DSC1: variants seen among roughly 807,000 people sequenced by gnomAD.
DSC1 encodes the protein desmocollin-1.
A neutral mutation model predicts 98.8 loss-of-function variants in DSC1; 79 were observed. The observed-to-expected ratio is 0.80, with a 90% CI of 0.67 to 0.96. The LOEUF is 0.96. DSC1 is among the 50% of genes least tolerant of loss of function. The probability of loss-of-function intolerance (pLI) is 0.00; values close to 1 mark genes in which losing one functional copy is unlikely to be tolerated. For missense variants in DSC1, 1,115 were observed against 1,075.9 expected (o/e 1.04, Z -0.51); for synonymous variants, 405 against 372.1 (o/e 1.09, Z -1.02).
chr18:31,158,797 T>C (rs1186241209), intron 2 of DSC1, among the ~76,000 whole-genome samples: 3 of 152,162 alleles, frequency 2.0e-5, no homozygotes, highest in African/African-American at 4.8e-5. Context: ...GTCTAATCAA[T>C]TGAAGAATCT....
At chr18:31,138,468 T>C (rs543272722) in intron 11 of DSC1, among the ~76,000 whole-genome samples, 22 of 152,214 alleles carry the variant, frequency 1.4e-4, no homozygotes, top group African/African-American at 4.8e-4. Flanking sequence ...CTTAACATTC[T>C]TAATTTCCAT....
In DSC1 at chr18:31,153,207, A is replaced by T. The variant is rs565631427; in HGVS notation, c.627+1567T>A. 4.6e-5 allele frequency among the ~76,000 whole-genome samples: 7 copies of T among 152,220 alleles called. No homozygotes were observed. In the South Asian group the frequency reaches 1.4e-3, roughly 32 times the overall value. ...TTGGCAAACAGAACCCTATCAAACAATTCCTCAGCAAAATTGAAAATGAAG... is the reference window on the plus strand; with the variant it reads ...TTGGCAAACAGAACCCTATCAAACATTTCCTCAGCAAAATTGAAAATGAAG... On this transcript the variant is annotated intron_variant, in intron 5 of 15. Transcript: ENST00000257198.
rs754100664 is a variant in DSC1 at position 31,130,562 on chromosome 18, G to T, written c.2637C>A (p.His879Gln). 2 of 1,614,058 alleles carry T rather than the reference G, an allele frequency of 1.2e-6. No homozygotes were observed. The highest frequency in any genetic ancestry group is 2.2e-5 in the South Asian group (2 of 91,080). The change falls in exon 16 of 16, where the codon CAC becomes CAA. Residue 879 changes from histidine (H) to glutamine (Q), a missense_variant. Coordinates refer to ENST00000257198, the MANE Select transcript of DSC1 (RefSeq NM_024421.2). ...QEEEGLEFLD[H>Q]LEPKFRTLAK... ...CTAATGTCCTAAATTTGGGTTCCAG[G>T]TGATCTAGAAACTCCAGTCCCTCTT...
At chr18:31,146,930 T>G (rs568644130) in intron 6 of DSC1, among the ~76,000 whole-genome samples, 1 of 152,338 alleles carries the variant, frequency 6.6e-6, no homozygotes, top group Non-Finnish European at 1.5e-5. Flanking sequence ...TATGTATCAT[T>G]TAGACAAGCT....
rs902441424 is a variant in DSC1, at chr18:31,134,082, T to A, written c.1925A>T (p.Tyr642Phe). ...RQRQNLDYNY[Y>F]SVPIQIKDRH... ...GTCTTTTATTTGAATAGGCACAGAATAATAGTTATAATCAAGATTTTGCCG... is the reference window on the plus strand; with the variant it reads ...GTCTTTTATTTGAATAGGCACAGAAAAATAGTTATAATCAAGATTTTGCCG... Residue 642 changes from tyrosine to phenylalanine, a missense_variant, in exon 13 of 16, where the codon TAT (tyrosine) becomes TTT (phenylalanine). By Grantham distance (22) the Tyr-to-Phe change is conservative. Transcript: ENST00000257198. The A allele has an allele frequency of 4.7e-5, 75 of 1,609,432 alleles. No homozygotes were observed. The highest frequency in any genetic ancestry group is 4.2e-4 in the Admixed American group (25 of 59,914).
At chr18:31,137,639 G>T (rs921933418) in intron 11 of DSC1, among the ~76,000 whole-genome samples, 3 of 152,132 alleles carry the variant, frequency 2.0e-5, no homozygotes, top group African/African-American at 7.2e-5. Context: ...AACAATGAAA[G>T]CAGCCTTTTC....
At chr18:31,162,130 T>A (rs1266971831) in intron 1 of DSC1, among the ~76,000 whole-genome samples, 1 of 152,198 alleles carries the variant, frequency 6.6e-6, no homozygotes, top group Non-Finnish European at 1.5e-5. Flanking sequence ...CCAGAATCCT[T>A]TCTCTTTTTT....
In DSC1 at chr18:31,145,627, G is replaced by T. The variant is rs778905509; in HGVS notation, c.923C>A (p.Pro308His). 6.2e-7 allele frequency: 1 copy of T among 1,614,124 alleles called. No homozygotes were observed. The highest frequency in any genetic ancestry group is 2.2e-5 in the East Asian group (1 of 44,868). ...CATCATTACTTCTCTATCCAGAAAA[G>T]GTGTAGTTGTGGTGATGACACCGGT... ...PDTGVITTTT[P>H]FLDREKCDTY... Residue 308 changes from proline (P) to histidine (H), a missense_variant, in exon 7 of 16, where the codon CCT becomes CAT. Pro to His is a moderately conservative substitution (Grantham distance 77). Coordinates refer to ENST00000257198, the MANE Select transcript of DSC1 (RefSeq NM_024421.2).
chr18:31,134,537 C>A, intron 12 of DSC1, 35 bp downstream of exon 12: 1 of 1,495,178 alleles, frequency 6.7e-7, no homozygotes, highest in South Asian at 1.2e-5. Flanking sequence ...AATCTGAAGT[C>A]CGTATTGACT....
rs76575208 is a variant in DSC1, at chr18:31,129,994, G to A, written c.*520C>T. On this transcript the variant is annotated 3_prime_UTR_variant, in exon 16 of 16. Coordinates refer to ENST00000257198, the MANE Select transcript of DSC1 (RefSeq NM_024421.2). ...GAGTACAAAAGTGTAAAAGAGAAAT[G>A]AACTTAATCACAAAACTGAAGATTG... 0.024 allele frequency: 3,723 copies of A among 155,990 alleles called. 143 individuals carry two copies. Among genetic ancestry groups the A allele is most frequent in the African/African-American group, 0.086 (3,589 of 41,534 alleles). The allele number at this position is 155,990 out of a possible 1,614,324, so 9.7% of individuals were successfully genotyped here.
At chr18:31,130,755 C>A in intron 15 of DSC1, 44 bp from the exon 16 acceptor site, 1 of 1,612,052 alleles carries the variant, frequency 6.2e-7, no homozygotes, top group Non-Finnish European at 8.5e-7. Flanking sequence ...TAAAAAACAC[C>A]TAAACATATT....
At chr18:31,142,816 C>A (rs911821519) in intron 8 of DSC1, among the ~76,000 whole-genome samples, 2 of 152,042 alleles carry the variant, frequency 1.3e-5, no homozygotes, top group South Asian at 4.2e-4. Flanking sequence ...GACACTGGAG[C>A]GTAATAGACC....
chr18:31,132,826 G>T, intron 13 of DSC1, 137 bp from the exon 14 acceptor site: 1 of 736,292 alleles, frequency 1.4e-6, no homozygotes, highest in South Asian at 2.1e-5. Flanking sequence ...TTTAAAAACA[G>T]AATATTTTAA....
rs763887517 is a variant in DSC1, at chr18:31,140,169, T to C, written c.1393A>G (p.Ser465Gly). Reference sequence around the variant, plus strand: ...GGGTGGCATTCAGGGCCCTCATCACTGTCTATAATTTTAACGGTGACAGTT... The same window carrying C: ...GGGTGGCATTCAGGGCCCTCATCACCGTCTATAATTTTAACGGTGACAGTT... ...TTTVTVKIID[S>G]DEGPECHPPV... Residue 465 changes from serine to glycine, a missense_variant, in exon 10 of 16, where the codon AGT (serine) becomes GGT (glycine). Coordinates refer to ENST00000257198, the MANE Select transcript of DSC1 (RefSeq NM_024421.2). 2 of 1,613,920 alleles carry C rather than the reference T, an allele frequency of 1.2e-6. No individual in the cohort carries two copies.
Position 31,131,623 on chromosome 18 carries a change from G to A in DSC1, c.2458C>T (p.Gln820Ter), listed in dbSNP as rs763895775. ...CCAAGCCGAGGTTGGGTGAAACTCT[G>A]CCAGTCCGTGTACGCATATCTGCCA... Reference protein sequence around the residue: ...DTGRYAYTDWQSFTQPRLGEK... With the variant: ...DTGRYAYTDW The change falls in exon 15 of 16, where the codon CAG becomes TAG. Residue 820 changes from glutamine to a stop codon, truncating the protein, a stop_gained. Transcript: ENST00000257198. LOFTEE classifies it high-confidence loss of function. The A allele has an allele frequency of 1.2e-6, 2 of 1,614,066 alleles. No individual in the cohort carries two copies. The highest frequency in any genetic ancestry group is 2.2e-5 in the South Asian group (2 of 91,078).
intron 1 of DSC1, 107 bp downstream of exon 1, chr18:31,162,425 T>C (rs1989226553): frequency 9.5e-7 from 1 of 1,047,390 alleles, no homozygotes; most frequent in East Asian, 2.4e-5. Flanking sequence ...CCCCAATCTC[T>C]CTTCTCTGCC....
At chr18:31,133,235 A>G (rs1988534365) in intron 13 of DSC1, among the ~76,000 whole-genome samples, 1 of 152,092 alleles carries the variant, frequency 6.6e-6, no homozygotes, top group Non-Finnish European at 1.5e-5. Flanking sequence ...AGAGAAAGAA[A>G]AAGAAAAGGA....
chr18:31,153,249 C>T (rs1234883283), intron 5 of DSC1, among the ~76,000 whole-genome samples: 1 of 152,040 alleles, frequency 6.6e-6, no homozygotes, highest in African/African-American at 2.4e-5. Context: ...TTGCAACATA[C>T]AGAGTATGAG....
chr18:31,134,448 T>A (rs1239776672), intron 12 of DSC1, 124 bp downstream of exon 12: 2 of 936,102 alleles, frequency 2.1e-6, no homozygotes, highest in African/African-American at 3.3e-5. Context: ...TAGGTATTGT[T>A]GTTTTTAGGG....
Sources: gnomAD v4.1 joint callset for allele counts (sites outside exome capture counted in the v4.1 genomes callset) on GRCh38, gnomAD v4.1.1 for gene constraint, MANE v1.5 for transcripts, NCBI Gene and HGNC (gene_info 2026-07-23, HGNC 2026-07-21) for gene names.